MLKL: variants seen among roughly 807,000 people sequenced by gnomAD.
The protein encoded by MLKL is mixed lineage kinase domain like pseudokinase.
In MLKL, 55 loss-of-function variants were observed where a neutral mutation model predicts 56.5. The observed-to-expected ratio is 0.97, with a 90% confidence interval of 0.78 to 1.22. The LOEUF is 1.22. Among genes scored for constraint, MLKL ranks in the 50% most tolerant of loss-of-function variants. MLKL has a pLI of 0.00. For missense variants in MLKL, 694 were observed against 573.9 expected (o/e 1.21, Z -2.14); for synonymous variants, 251 against 208.3 (o/e 1.20, Z -1.76).
chr16:74,678,923 C>T lies in MLKL; in HGVS notation c.1014G>A (p.Leu338=), dbSNP rs1567602883. ...LHGKIRSSNF[L]VTQGYQVKLA... ...CCTTCACTTGGTAGCCTTGAGTTAC[C>T]AGGAAGTTTGAGCTTCTGATTTTTC... The change falls in exon 7 of 11, where the codon CTG becomes CTA. Residue 338 remains leucine (L), a synonymous_variant. Coordinates refer to ENST00000308807, the MANE Select transcript of MLKL (RefSeq NM_152649.4). The T allele has an allele frequency of 1.9e-6, 3 of 1,614,138 alleles. No individual in the cohort carries two copies.
chr16:74,686,600 A>C (rs1394031779), intron 4 of MLKL, among the ~76,000 whole-genome samples: 3 of 152,216 alleles, frequency 2.0e-5, no homozygotes, highest in Admixed American at 6.5e-5. Flanking sequence ...ACACAAAAAA[A>C]GATATTTATT....
chr16:74,691,546 T>C (rs947199571), intron 3 of MLKL, 83 bp from the exon 4 acceptor site: 77 of 1,424,906 alleles, frequency 5.4e-5, no homozygotes, highest in Non-Finnish European at 6.3e-5. Flanking sequence ...ATATTTGTGA[T>C]GTGTGAGTGG....
intron 10 of MLKL, among the ~76,000 whole-genome samples, chr16:74,673,138 C>T (rs188334638): frequency 1.2e-4 from 19 of 152,282 alleles, no homozygotes; most frequent in Middle Eastern, 6.8e-3. Context: ...TCCTCATGCT[C>T]AAGACTTCTG....
intron 4 of MLKL, among the ~76,000 whole-genome samples, chr16:74,689,612 G>A (rs1277173697): frequency 6.6e-6 from 1 of 152,082 alleles, no homozygotes; most frequent in African/African-American, 2.4e-5. Context: ...AGAGGAGGAA[G>A]TTCTTTACCA....
At chr16:74,697,033 A>G (rs968648020) in intron 1 of MLKL, among the ~76,000 whole-genome samples, 2 of 147,754 alleles carry the variant, frequency 1.4e-5, no homozygotes, top group East Asian at 3.9e-4. Context: ...AGTAATACAT[A>G]TATATAATAT....
chr16:74,682,507 T>C, intron 6 of MLKL, 144 bp downstream of exon 6: 10 of 1,173,912 alleles, frequency 8.5e-6, no homozygotes, highest in Non-Finnish European at 1.1e-5. Context: ...CTCCCTCCTA[T>C]CTGTAATCAG....
At chr16:74,676,363 C>T in intron 7 of MLKL, 1 of 985,496 alleles carries the variant, frequency 1.0e-6, no homozygotes, top group Non-Finnish European at 1.2e-6. Flanking sequence ...CCATGCACAC[C>T]TGCCATTGAC....
At chr16:74,693,271 C>T (rs1430862567) in intron 2 of MLKL, among the ~76,000 whole-genome samples, 3 of 151,678 alleles carry the variant, frequency 2.0e-5, no homozygotes, top group Admixed American at 6.6e-5. Context: ...CCTGGCCAAA[C>T]TGGTCAGTAG....
chr16:74,678,958 C>A lies in MLKL; in HGVS notation c.979G>T (p.Glu327Ter), dbSNP rs566645790. The A allele has an allele frequency of 9.0e-5, 146 of 1,614,016 alleles. No individual in the cohort carries two copies. The South Asian group carries it at 1.5e-3, about 16-fold the overall frequency. ...LYRLHHSEAP[E>*]LHGKIRSSNF... ...GAGCTTCTGATTTTTCCGTGGAGTT[C>A]AGGTGCTTCTGAATGGTGTAGCCTG... Residue 327 changes from glutamate to a stop codon, truncating the protein, a stop_gained, in exon 7 of 11, where the codon GAA (glutamate) becomes TAA (stop). Transcript: ENST00000308807. LOFTEE classifies it high-confidence loss of function.
intron 7 of MLKL, chr16:74,676,200 G>T: frequency 4.1e-6 from 4 of 987,262 alleles, no homozygotes; most frequent in Non-Finnish European, 4.8e-6. Context: ...AAATGGCATG[G>T]GGGCATCCCC....
intron 6 of MLKL, among the ~76,000 whole-genome samples, chr16:74,681,913 A>T (rs1959998052): frequency 6.6e-6 from 1 of 152,116 alleles, no homozygotes; most frequent in South Asian, 2.1e-4. Context: ...CATGCCCACA[A>T]ATTGTATAGG....
At chr16:74,674,890 G>A (rs1455047673) in intron 10 of MLKL, 70 bp downstream of exon 10, 1 of 1,561,356 alleles carries the variant, frequency 6.4e-7, no homozygotes, top group African/African-American at 1.4e-5. Flanking sequence ...TGGAGCTGGT[G>A]AAAAGGAAAT....
At position 74,676,265 on chromosome 16, in the gene MLKL, C is replaced by T. The variant is rs187808007; in HGVS notation, c.1039-501G>A. On this transcript the variant is annotated intron_variant, in intron 7 of 10. Coordinates refer to ENST00000308807, the MANE Select transcript of MLKL (RefSeq NM_152649.4). The stretch of plus-strand genomic sequence containing the variant: ...GCCTGATCCTTTGGCTTTGGCGTGA[C>T]GAGTGTGAGTCATCCCCCCAGGCCT... The T allele has an allele frequency of 1.0e-5, 10 of 989,530 alleles. No individual in the cohort carries two copies. In the East Asian group the frequency reaches 6.7e-4, roughly 67 times the overall value. The allele number at this position is 989,530 out of a possible 1,614,324, so 61.3% of individuals were successfully genotyped here.
chr16:74,678,066 T>C (rs35505591), intron 7 of MLKL: 80,180 of 152,220 alleles, frequency 0.53, 21,524 homozygotes, highest in East Asian at 0.74. Context: ...AGATGCTGAC[T>C]CCTGCAGGTC....
chr16:74,673,966 A>C (rs1446169028), intron 10 of MLKL, among the ~76,000 whole-genome samples: 5 of 151,514 alleles, frequency 3.3e-5, no homozygotes, highest in Admixed American at 1.3e-4. Context: ...AAAAAAAAAA[A>C]AAAAAACCAT....
intron 4 of MLKL, among the ~76,000 whole-genome samples, chr16:74,686,215 G>C (rs910400765): frequency 6.6e-6 from 1 of 152,032 alleles, no homozygotes; most frequent in African/African-American, 2.4e-5. Flanking sequence ...GCCTGCCTAC[G>C]CCTCCCAAAG....
intron 6 of MLKL, among the ~76,000 whole-genome samples, chr16:74,680,714 G>A (rs1959915884): frequency 6.6e-6 from 1 of 152,042 alleles, no homozygotes; most frequent in Non-Finnish European, 1.5e-5. Flanking sequence ...ACCGTGTTGG[G>A]CAGGATGCTC....
intron 7 of MLKL, 141 bp from the exon 8 acceptor site, chr16:74,675,905 T>C: frequency 1.1e-6 from 1 of 873,426 alleles, no homozygotes; most frequent in Non-Finnish European, 1.8e-6. Flanking sequence ...TCTGTCTGTG[T>C]GGCTACTTTA....
At chr16:74,682,455 G>A (rs1337947219) in intron 6 of MLKL, among the ~76,000 whole-genome samples, 196 bp downstream of exon 6, 2 of 152,056 alleles carry the variant, frequency 1.3e-5, no homozygotes, top group Non-Finnish European at 2.9e-5. Context: ...AATTTCAACC[G>A]TCAGTTCTGG....
Sources: allele counts gnomAD v4.1 joint callset (sites outside exome capture counted in the v4.1 genomes callset), GRCh38; gene constraint gnomAD v4.1.1; transcripts MANE v1.5; gene names NCBI Gene and HGNC (gene_info 2026-07-23, HGNC 2026-07-21).